The following PLTP variants were observed in gnomAD, a reference collection of about 807,000 sequenced individuals.
PLTP encodes the protein BPI fold containing family E.
Under a neutral mutation model 54.1 loss-of-function variants are expected in PLTP, and 43 were observed. The observed-to-expected ratio is 0.79, with a 90% CI of 0.62 to 1.02. The LOEUF is 1.02. Ranked by LOEUF, PLTP falls within the 50% of genes least tolerant of loss-of-function variation. The pLI is 0.00. For missense variants in PLTP, 604 were observed against 645.9 expected (o/e 0.94, Z 0.70); for synonymous variants, 263 against 264.6 (o/e 0.99, Z 0.06).
chr20:45,909,609 A>G lies in PLTP; in HGVS notation c.392T>C (p.Leu131Pro), dbSNP rs2083271255. Residue 131 changes from leucine (L) to proline (P), a missense_variant, in exon 5 of 16, where the codon CTC becomes CCC. Physicochemically the swap from Leu to Pro is moderately conservative, Grantham distance 98. Transcript: ENST00000372431. ...EGVSIRTGLE[L>P]SRDPAGRMKV... Reference sequence around the variant, plus strand: ...CATCCGTCCAGCGGGATCCCGGGAGAGCTCCAGACCAGTGCGGATGGACAC... The same window carrying G: ...CATCCGTCCAGCGGGATCCCGGGAGGGCTCCAGACCAGTGCGGATGGACAC... 1 of 1,614,080 alleles carries G rather than the reference A, an allele frequency of 6.2e-7. No homozygotes were observed. Among genetic ancestry groups the G allele is most frequent in the Non-Finnish European group, 8.5e-7 (1 of 1,180,026 alleles).
chr20:45,905,831 C>G (rs1205271992), intron 8 of PLTP, among the ~76,000 whole-genome samples: 1 of 152,234 alleles, frequency 6.6e-6, no homozygotes, highest in African/African-American at 2.4e-5. Context: ...TGGCCTTGGG[C>G]AAGTGACGTC....
chr20:45,900,230 G>A lies in PLTP; in HGVS notation c.1176-352C>T, dbSNP rs11569660. On this transcript the variant is annotated intron_variant, in intron 12 of 15. Coordinates refer to ENST00000372431, the MANE Select transcript of PLTP (RefSeq NM_006227.4). ...CGCCATTCTCCTGGCTCAGCCTCCC[G>A]AGTAACTGGGACTATAGGTGCCCGC... Among the ~76,000 whole-genome samples the A allele has an allele frequency of 8.0e-3, 1,171 of 146,982 alleles. 13 individuals are homozygous for A. Among genetic ancestry groups the A allele is most frequent in the African/African-American group, 0.028 (1,131 of 39,990 alleles).
chr20:45,899,807 G>A, intron 13 of PLTP, 29 bp downstream of exon 13: 1 of 1,369,446 alleles, frequency 7.3e-7, no homozygotes, highest in Non-Finnish European at 1.0e-6. Flanking sequence ...CACGAACCCA[G>A]CCCAGCCCAC....
At position 45,906,342 on chromosome 20, in the gene PLTP, C is replaced by T. The variant is rs370983158; in HGVS notation, c.631G>A (p.Glu211Lys). ...AGGGAATAGTCAATGCCAACAAGCT[C>T]GTCCACAGAACTGCGCACTGCAGGA... ...DTVPVRSSVD[E>K]LVGIDYSLMK... is the part of the protein sequence containing the mutation. Residue 211 changes from glutamate to lysine, a missense_variant, in exon 8 of 16, where the codon GAG (glutamate) becomes AAG (lysine). Physicochemically the swap from Glu to Lys is moderately conservative, Grantham distance 56. Transcript: ENST00000372431. The T allele has an allele frequency of 9.3e-6, 15 of 1,613,640 alleles. No individual in the cohort carries two copies. In the East Asian group the frequency reaches 1.3e-4, roughly 14 times the overall value.
At chr20:45,904,450 G>T (rs918644017) in intron 10 of PLTP, among the ~76,000 whole-genome samples, 4 of 152,190 alleles carry the variant, frequency 2.6e-5, no homozygotes, top group Admixed American at 2.6e-4. Context: ...GTGACAAAGT[G>T]AGACTCTTGT....
At chr20:45,903,546 A>C (rs11569648) in intron 10 of PLTP, among the ~76,000 whole-genome samples, 3,846 of 151,946 alleles carry the variant, frequency 0.025, 172 homozygotes, top group African/African-American at 0.088. Context: ...TCTTTCTCTA[A>C]ACTGCTATGC....
In PLTP at chr20:45,898,649, C is replaced by A; in HGVS notation, c.*292G>T. 1 of 693,618 alleles carries A rather than the reference C, an allele frequency of 1.4e-6. No individual in the cohort carries two copies. Among genetic ancestry groups the A allele is most frequent in the Admixed American group, 2.2e-5 (1 of 46,020 alleles). 43.0% of individuals were successfully genotyped at this position (693,618 alleles called of 1,614,324 possible). ...GGGGCAAGTTAGCACTTTATTCCCG[C>A]AGCAGTTCCTGAATGGGGTGGCCTG... On this transcript the variant is annotated 3_prime_UTR_variant, in exon 16 of 16. Transcript: ENST00000372431. The surrounding 1 kb of genome is among the most constrained non-coding windows in gnomAD (Gnocchi z 4.6).
chr20:45,911,585 G>A lies in PLTP; in HGVS notation c.-11-122C>T. The A allele has an allele frequency of 2.2e-6, 3 of 1,370,356 alleles. No individual in the cohort carries two copies. In the South Asian group the frequency reaches 3.7e-5, roughly 17 times the overall value. The allele number at this position is 1,370,356 out of a possible 1,614,324, so 84.9% of individuals were successfully genotyped here. On this transcript the variant is annotated intron_variant, in intron 1 of 15. Transcript: ENST00000372431. ...TCCAGATAACTCTTCGGGGAACTTGGAACCAATAATCTTGCCTCCATATGG... is the reference window on the plus strand; with the variant it reads ...TCCAGATAACTCTTCGGGGAACTTGAAACCAATAATCTTGCCTCCATATGG...
intron 4 of PLTP, 32 bp from the exon 5 acceptor site, chr20:45,909,703 G>A (rs1350560200): frequency 1.2e-6 from 2 of 1,613,090 alleles, no homozygotes; most frequent in Non-Finnish European, 1.7e-6. Flanking sequence ...ACTCCAGGTA[G>A]GAGCTCAATT....
chr20:45,911,707 G>A (rs1370999447), intron 1 of PLTP: 1 of 580,824 alleles, frequency 1.7e-6, no homozygotes, highest in Admixed American at 3.0e-5. Context: ...CAGTTCCCTC[G>A]TGCTACCGCC....
chr20:45,902,168 A>T, intron 12 of PLTP, 99 bp downstream of exon 12: 1 of 1,260,328 alleles, frequency 7.9e-7, no homozygotes, highest in Non-Finnish European at 1.1e-6. Flanking sequence ...CCCAGCTCTC[A>T]GTGGCTTACA....
intron 7 of PLTP, among the ~76,000 whole-genome samples, chr20:45,906,890 C>CAAA (rs746783296): frequency 1.2e-4 from 5 of 40,998 alleles, no homozygotes; most frequent in East Asian, 4.4e-4. Context: ...GACTCCATCT[C>CAAA]AAAAAAAAAA....
At position 45,910,841 on chromosome 20, in the gene PLTP, C is replaced by G. The variant is rs764427865; in HGVS notation, c.200+311G>C. ...TCCACCCCGTGCCCGAGACTCCACTCTCATCTATTGGGAAGTTCCTTGACT... is the reference window on the plus strand; with the variant it reads ...TCCACCCCGTGCCCGAGACTCCACTGTCATCTATTGGGAAGTTCCTTGACT... On this transcript the variant is annotated intron_variant, in intron 3 of 15. Transcript: ENST00000372431. The G allele has an allele frequency of 7.7e-5, 99 of 1,278,678 alleles. 1 individual carries two copies. Among genetic ancestry groups the G allele is most frequent in the Middle Eastern group, 3.2e-4 (1 of 3,136 alleles). The allele number at this position is 1,278,678 out of a possible 1,614,324, so 79.2% of individuals were successfully genotyped here.
intron 10 of PLTP, among the ~76,000 whole-genome samples, chr20:45,903,015 G>A (rs1018099678): frequency 1.3e-5 from 2 of 151,240 alleles, no homozygotes; most frequent in East Asian, 3.9e-4. Flanking sequence ...CGATTCTCCC[G>A]CCTCAGCCTC....
intron 13 of PLTP, 31 bp downstream of exon 13, chr20:45,899,805 C>CCGGGCCCGG: frequency 2.1e-6 from 3 of 1,414,706 alleles, no homozygotes; most frequent in Non-Finnish European, 2.9e-6. Flanking sequence ...CTCACGAACC[C>CCGGGCCCGG]AGCCCAGCCC....
At chr20:45,911,302 G>T (rs550648218) in intron 2 of PLTP, 51 bp from the exon 3 acceptor site, 25 of 1,612,238 alleles carry the variant, frequency 1.6e-5, no homozygotes, top group Admixed American at 5.0e-5. Context: ...CTGTTGGGGC[G>T]ACCCCAACCC....
chr20:45,904,930 G>T lies in PLTP; in HGVS notation c.882+12C>A. 1 of 1,614,192 alleles carries T rather than the reference G, an allele frequency of 6.2e-7. No individual in the cohort carries two copies. The highest frequency in any genetic ancestry group is 8.5e-7 in the Non-Finnish European group (1 of 1,180,020). Reference sequence around the variant, plus strand: ...CTTCTCTTGCCCATCCCACAAACAGGCCATGACATACCTTGTCCCCCACCA... The same window carrying T: ...CTTCTCTTGCCCATCCCACAAACAGTCCATGACATACCTTGTCCCCCACCA... On this transcript the variant is annotated intron_variant, in intron 9 of 15. Transcript: ENST00000372431.
chr20:45,903,357 G>T (rs1053091951), intron 10 of PLTP, among the ~76,000 whole-genome samples: 8 of 152,120 alleles, frequency 5.3e-5, no homozygotes, highest in African/African-American at 1.9e-4. Context: ...ATGCCATCAC[G>T]CCTGGCTTAT....
chr20:45,899,116 GT>G (rs2083148092), intron 15 of PLTP, 53 bp from the exon 16 acceptor site: 2 of 1,609,952 alleles, frequency 1.2e-6, no homozygotes, highest in Middle Eastern at 1.6e-4. Context: ...TGAGGCCAGA[GT>G]TTAGAGATCA....
Sources: allele counts gnomAD v4.1 joint callset (sites outside exome capture counted in the v4.1 genomes callset), GRCh38; gene constraint gnomAD v4.1.1; non-coding constraint Gnocchi (gnomAD v3.1); transcripts MANE v1.5; gene names NCBI Gene and HGNC (gene_info 2026-07-23, HGNC 2026-07-21).